MAF: variants seen among roughly 807,000 people sequenced by gnomAD.
MAF encodes transcription factor Maf.
In MAF, 10 loss-of-function variants were observed where a neutral mutation model predicts 22.0. The ratio of observed to expected loss-of-function variants is 0.45; its 90% CI spans 0.28 to 0.77. The LOEUF (loss-of-function observed/expected upper bound fraction) is 0.77. Among genes scored for constraint, MAF ranks in the 30% least tolerant of loss-of-function variants. The probability of loss-of-function intolerance (pLI) is 0.12; values close to 1 mark genes in which losing one functional copy is unlikely to be tolerated. For synonymous variants in MAF, 337 were observed against 255.8 expected (o/e 1.32, Z -3.03); for missense variants, 544 against 548.4 (o/e 0.99, Z 0.08).
the MAF span, among the ~76,000 whole-genome samples, chr16:79,364,072 C>T: frequency 1.3e-5 from 2 of 152,138 alleles, no homozygotes; most frequent in Admixed American, 1.3e-4. Context: ...TTAATTTAAT[C>T]CTTGTCTGTG....
At chr16:79,262,130 C>G in the MAF span, among the ~76,000 whole-genome samples, 1 of 152,156 alleles carries the variant, frequency 6.6e-6, no homozygotes, top group African/African-American at 2.4e-5. Flanking sequence ...CTCACCACAG[C>G]AGGAGCTTTA....
chr16:79,212,160 A>G, the MAF span: 1 of 1,494,010 alleles, frequency 6.7e-7, no homozygotes, highest in Non-Finnish European at 8.9e-7. Context: ...TCCAGCTACC[A>G]CCACGGCCAC....
the MAF span, among the ~76,000 whole-genome samples, chr16:79,505,870 C>T: frequency 5.3e-5 from 8 of 151,832 alleles, no homozygotes; most frequent in African/African-American, 1.7e-4. Context: ...GACCAGAATG[C>T]GGGAGAACTT....
At chr16:79,573,300 G>A in the MAF span, among the ~76,000 whole-genome samples, 23 of 152,160 alleles carry the variant, frequency 1.5e-4, no homozygotes, top group East Asian at 3.9e-4. Context: ...CCGAGCCTTT[G>A]CTTTACAGCA....
the MAF span, among the ~76,000 whole-genome samples, chr16:79,405,042 A>T: frequency 9.3e-4 from 141 of 152,298 alleles, no homozygotes; most frequent in African/African-American, 3.3e-3. Flanking sequence ...GGTGAGTCCC[A>T]CATGCTGCTC....
the MAF span, among the ~76,000 whole-genome samples, chr16:79,445,745 TC>T: frequency 6.6e-6 from 1 of 152,250 alleles, no homozygotes; most frequent in Non-Finnish European, 1.5e-5. Flanking sequence ...CCCTGTCTCA[TC>T]CAGGAGGTAG....
At chr16:79,302,530 A>C in the MAF span, among the ~76,000 whole-genome samples, 1 of 152,356 alleles carries the variant, frequency 6.6e-6, no homozygotes, top group South Asian at 2.1e-4. Context: ...GGTTGCAGGC[A>C]GCACTCTCGT....
the MAF span, among the ~76,000 whole-genome samples, chr16:79,383,966 A>G: frequency 6.6e-6 from 1 of 152,172 alleles, no homozygotes. Context: ...CACTTGTGAA[A>G]AAGTCCAAAG....
chr16:79,299,206 T>A, the MAF span, among the ~76,000 whole-genome samples: 1 of 152,190 alleles, frequency 6.6e-6, no homozygotes, highest in Non-Finnish European at 1.5e-5. Flanking sequence ...CTAAAAGCTG[T>A]GACCAGGAAA....
chr16:79,315,035 C>G, the MAF span, among the ~76,000 whole-genome samples: 1 of 152,250 alleles, frequency 6.6e-6, no homozygotes, highest in African/African-American at 2.4e-5. Flanking sequence ...GTGCTACATG[C>G]TGGCTGGACC....
At chr16:79,355,823 G>T in the MAF span, among the ~76,000 whole-genome samples, 1 of 152,064 alleles carries the variant, frequency 6.6e-6, no homozygotes, top group Non-Finnish European at 1.5e-5. Context: ...GGGGAACGTG[G>T]TGGGGTCCTA....
the MAF span, among the ~76,000 whole-genome samples, chr16:79,506,649 A>G: frequency 6.6e-6 from 1 of 152,090 alleles, no homozygotes; most frequent in African/African-American, 2.4e-5. Context: ...TTTTCACAGG[A>G]GGGGCTGGAT....
the MAF span, among the ~76,000 whole-genome samples, chr16:79,245,349 G>A: frequency 0.12 from 18,939 of 151,600 alleles, 1,556 homozygotes; most frequent in Middle Eastern, 0.2. Context: ...GGAATCTACA[G>A]ATAACTTAAA....
the MAF span, among the ~76,000 whole-genome samples, chr16:79,413,692 A>C: frequency 6.6e-6 from 1 of 152,192 alleles, no homozygotes; most frequent in African/African-American, 2.4e-5. Context: ...GATAATCTCC[A>C]TTGTGGGATC....
At chr16:79,212,671 C>CCTGAAGTTTGTATT in the MAF span, 1 of 152,122 alleles carries the variant, frequency 6.6e-6, no homozygotes, top group African/African-American at 2.4e-5. Flanking sequence ...AATATCATCA[C>CCTGAAGTTTGTATT]CTGAAGTTTG....
the MAF span, among the ~76,000 whole-genome samples, chr16:79,323,995 C>T: frequency 6.6e-6 from 1 of 152,122 alleles, no homozygotes; most frequent in Admixed American, 6.5e-5. Context: ...TGCATCTTCA[C>T]ACTGAGAATA....
chr16:79,451,321 G>C, the MAF span, among the ~76,000 whole-genome samples: 1 of 152,192 alleles, frequency 6.6e-6, no homozygotes, highest in African/African-American at 2.4e-5. Context: ...GTCCACAGGA[G>C]GCTAATAGGA....
chr16:79,204,290 GC>G, the MAF span: 1 of 152,108 alleles, frequency 6.6e-6, no homozygotes, highest in Non-Finnish European at 1.5e-5. Context: ...TAATGAGACA[GC>G]CTCTCAGGTC....
At chr16:79,238,545 G>A in the MAF span, among the ~76,000 whole-genome samples, 5 of 151,972 alleles carry the variant, frequency 3.3e-5, no homozygotes, top group African/African-American at 1.2e-4. Flanking sequence ...TGTTTTCACT[G>A]TCACATCTGA....
Sources: gnomAD v4.1 joint callset for allele counts (sites outside exome capture counted in the v4.1 genomes callset) on GRCh38, gnomAD v4.1.1 for gene constraint, MANE v1.5 for transcripts, NCBI Gene and HGNC (gene_info 2026-07-23, HGNC 2026-07-21) for gene names.